NR3C2: variants seen among roughly 807,000 people sequenced by gnomAD.
NR3C2 encodes the protein mineralocorticoid receptor.
A neutral mutation model predicts 86.4 loss-of-function variants in NR3C2; 15 were observed. That is an observed-to-expected ratio of 0.17 (90% CI 0.12 to 0.27). The LOEUF (loss-of-function observed/expected upper bound fraction) is 0.27, where lower values mean the gene tolerates loss of function less well. NR3C2 is among the 10% of genes least tolerant of loss of function. The pLI, the probability that NR3C2 is intolerant of heterozygous loss-of-function variation, is 1.00. For synonymous variants in NR3C2, 458 were observed against 450.5 expected, an observed-to-expected ratio of 1.02 and a Z score of -0.21; for missense variants, 960 against 1,195.6, an observed-to-expected ratio of 0.80 and a Z score of 2.91.
In NR3C2 at chr4:148,436,609, T is replaced by C. The variant is rs749713838; in HGVS notation, c.252A>G (p.Leu84=). The change falls in exon 2 of 9, where the codon TTA becomes TTG. Residue 84 remains leucine, a synonymous_variant. Coordinates refer to ENST00000358102, the MANE Select transcript of NR3C2 (RefSeq NM_000901.5). ...CCAGCTCAGTTTTAATATCAGATGT[T>C]AAAATCCCAGGCCGATTATTGTCTT... is the stretch of plus-strand genomic sequence containing the variant. ...LQQDNNRPGI[L]TSDIKTELES... 23 of 1,614,126 alleles carry C rather than the reference T, an allele frequency of 1.4e-5. No homozygotes were observed. In the South Asian group the frequency reaches 1.8e-4, roughly 12 times the overall value.
intron 8 of NR3C2, among the ~76,000 whole-genome samples, chr4:148,110,922 C>T (rs1363759200): frequency 6.6e-6 from 1 of 152,206 alleles, no homozygotes; most frequent in South Asian, 2.1e-4. Context: ...CTCCATGACA[C>T]TGGCTTACAC....
intron 2 of NR3C2, among the ~76,000 whole-genome samples, chr4:148,401,730 G>C (rs1748178690): frequency 6.6e-6 from 1 of 152,060 alleles, no homozygotes; most frequent in Non-Finnish European, 1.5e-5. Context: ...CCAAAGTGCT[G>C]GGATTACAGG....
intron 2 of NR3C2, among the ~76,000 whole-genome samples, chr4:148,378,050 T>C (rs371077839): frequency 6.6e-6 from 1 of 152,184 alleles, no homozygotes; most frequent in African/African-American, 2.4e-5. Context: ...CCTCATCAAA[T>C]GTTCCACTCC....
intron 2 of NR3C2, among the ~76,000 whole-genome samples, chr4:148,403,656 T>C (rs1748275023): frequency 6.6e-6 from 1 of 152,118 alleles, no homozygotes. Context: ...GACAACCTTT[T>C]TCTTATGTTA....
chr4:148,205,515 C>A (rs893181750), intron 3 of NR3C2, among the ~76,000 whole-genome samples: 1 of 152,150 alleles, frequency 6.6e-6, no homozygotes, highest in Non-Finnish European at 1.5e-5. Flanking sequence ...TAAATATGTT[C>A]TGTTTGTTAA....
At chr4:148,198,807 G>A (rs975842226) in intron 3 of NR3C2, among the ~76,000 whole-genome samples, 5 of 151,866 alleles carry the variant, frequency 3.3e-5, no homozygotes, top group African/African-American at 9.7e-5. Context: ...GGGGCCAGGT[G>A]CGGTGGCTCA....
chr4:148,174,695 C>T (rs1318845780), intron 4 of NR3C2, among the ~76,000 whole-genome samples: 2 of 152,120 alleles, frequency 1.3e-5, no homozygotes, highest in Non-Finnish European at 2.9e-5. Flanking sequence ...AGTGAAGTAG[C>T]ACTTAGGGTA....
chr4:148,305,418 T>C (rs1418896118), intron 2 of NR3C2, among the ~76,000 whole-genome samples: 1 of 152,076 alleles, frequency 6.6e-6, no homozygotes, highest in Non-Finnish European at 1.5e-5. Context: ...GAGGGGACTC[T>C]GGGTCTCATC....
chr4:148,227,029 T>C (rs1264810637), intron 3 of NR3C2, among the ~76,000 whole-genome samples: 1 of 152,166 alleles, frequency 6.6e-6, no homozygotes, highest in African/African-American at 2.4e-5. Flanking sequence ...ACATTATAAA[T>C]CTTACATAAA....
At position 148,154,736 on chromosome 4, in the gene NR3C2, A is replaced by C. The variant is rs781708595; in HGVS notation, c.2180T>G (p.Leu727Arg). The change falls in exon 5 of 9, where the codon CTC becomes CGC. Residue 727 changes from leucine to arginine, a missense_variant. Transcript: ENST00000358102. The part of the protein sequence containing the change: ...PSVNTALVPQ[L>R]STISRALTPS... Reference sequence around the variant, plus strand: ...TGTGAGCGCTCGTGAGATTGTGGAGAGCTGAGGAACCAGTGCTGTGTTGAC... The same window carrying C: ...TGTGAGCGCTCGTGAGATTGTGGAGCGCTGAGGAACCAGTGCTGTGTTGAC... The C allele has an allele frequency of 1.4e-5, 22 of 1,570,074 alleles. No individual in the cohort carries two copies. The highest frequency in any genetic ancestry group is 1.8e-5 in the Non-Finnish European group (21 of 1,158,060).
chr4:148,302,216 C>T (rs1742373194), intron 2 of NR3C2, among the ~76,000 whole-genome samples: 2 of 152,142 alleles, frequency 1.3e-5, no homozygotes, highest in African/African-American at 2.4e-5. Context: ...AAAAAATATA[C>T]AGGACTCATG....
At chr4:148,222,252 C>A (rs1239048059) in intron 3 of NR3C2, among the ~76,000 whole-genome samples, 1 of 152,014 alleles carries the variant, frequency 6.6e-6, no homozygotes, top group African/African-American at 2.4e-5. Flanking sequence ...TCCAAAATGA[C>A]ACATTTTCTA....
At chr4:148,139,492 T>C (rs575690592) in intron 6 of NR3C2, among the ~76,000 whole-genome samples, 1 of 152,214 alleles carries the variant, frequency 6.6e-6, no homozygotes, top group Admixed American at 6.5e-5. Context: ...CCCAGGTAAG[T>C]GGAGACTGAC....
intron 2 of NR3C2, among the ~76,000 whole-genome samples, chr4:148,347,244 C>G (rs1745039624): frequency 1.1e-5 from 1 of 87,366 alleles, no homozygotes; most frequent in Non-Finnish European, 2.3e-5. Flanking sequence ...TTTGTTGCAT[C>G]ACCTTCCAAC....
intron 2 of NR3C2, among the ~76,000 whole-genome samples, chr4:148,314,809 G>T (rs895315589): frequency 6.6e-6 from 1 of 151,996 alleles, no homozygotes; most frequent in African/African-American, 2.4e-5. Context: ...ATCTATTTCT[G>T]ATATCAAAAT....
intron 1 of NR3C2, among the ~76,000 whole-genome samples, chr4:148,438,226 C>T (rs1750169574): frequency 6.6e-6 from 1 of 152,066 alleles, no homozygotes; most frequent in African/African-American, 2.4e-5. Flanking sequence ...TAGCAGTATC[C>T]CTAACCCCTA....
At chr4:148,319,760 G>A (rs1460330929) in intron 2 of NR3C2, among the ~76,000 whole-genome samples, 1 of 150,718 alleles carries the variant, frequency 6.6e-6, no homozygotes, top group Non-Finnish European at 1.5e-5. Context: ...TTGCTTATCA[G>A]CTTAAGGAGA....
intron 2 of NR3C2, among the ~76,000 whole-genome samples, chr4:148,365,656 G>A (rs533569853): frequency 5.3e-5 from 8 of 152,222 alleles, no homozygotes; most frequent in South Asian, 2.1e-4. Context: ...AATAAATACT[G>A]TAATTTACAG....
At chr4:148,391,027 G>A (rs554109858) in intron 2 of NR3C2, among the ~76,000 whole-genome samples, 35 of 152,236 alleles carry the variant, frequency 2.3e-4, no homozygotes, top group Admixed American at 4.6e-4. Flanking sequence ...AACCCACATT[G>A]TATATTATGT....
Sources: gnomAD v4.1 joint callset for allele counts (sites outside exome capture counted in the v4.1 genomes callset) on GRCh38, gnomAD v4.1.1 for gene constraint, MANE v1.5 for transcripts, NCBI Gene and HGNC (gene_info 2026-07-23, HGNC 2026-07-21) for gene names.